ZNF732: variants seen among roughly 807,000 people sequenced by gnomAD.
ZNF732 encodes zinc finger protein 732, also known as zinc finger protein LOC654254.
A neutral mutation model predicts 11.5 loss-of-function variants in ZNF732; 12 were observed. The observed-to-expected ratio is 1.05, with a 90% CI of 0.67 to 1.70. The LOEUF is 1.70. Ranked by LOEUF, ZNF732 falls within the 40% of genes most tolerant of loss-of-function variation. The probability of loss-of-function intolerance (pLI) is 0.00; values close to 1 mark genes in which losing one functional copy is unlikely to be tolerated. For missense variants in ZNF732, 702 were observed against 676.9 expected (o/e 1.04, Z -0.41); for synonymous variants, 231 against 236.5 (o/e 0.98, Z 0.21).
At chr4:300,279 G>C (rs1475214955) in intron 1 of ZNF732, among the ~76,000 whole-genome samples, 3 of 150,360 alleles carry the variant, frequency 2.0e-5, no homozygotes, top group Non-Finnish European at 4.4e-5. Context: ...TGGCTAACAC[G>C]GTGAAACCCC....
chr4:274,020 T>TCC (rs1233622948), intron 3 of ZNF732, among the ~76,000 whole-genome samples: 1 of 151,776 alleles, frequency 6.6e-6, no homozygotes, highest in African/African-American at 2.4e-5. Flanking sequence ...GAAAGTATCT[T>TCC]CCAGTGAAAA....
Position 272,581 on chromosome 4 carries a change from T to C in ZNF732, c.276A>G (p.Glu92=), listed in dbSNP as rs782785511. The C allele has an allele frequency of 6.3e-7, 1 of 1,581,176 alleles. No homozygotes were observed. The highest frequency in any genetic ancestry group is 1.8e-5 in the Admixed American group (1 of 54,242). The change falls in exon 4 of 4, where the codon GAA becomes GAG. Residue 92 remains glutamate, a synonymous_variant. Transcript: ENST00000419098. ...TTAATATAAGTTTGTGGAACGAATC[T>C]TCTATCCCCTGCACTGGCAAAAAGT... ...TQDFLPVQGI[E]DSFHKLILRR... is the part of the protein sequence containing the mutation.
intron 3 of ZNF732, among the ~76,000 whole-genome samples, chr4:283,537 G>A (rs1454605709): frequency 6.6e-6 from 1 of 150,708 alleles, no homozygotes; most frequent in Non-Finnish European, 1.5e-5. Context: ...TCATGATATA[G>A]TGATAAGAGG....
Position 272,371 on chromosome 4 carries a change from T to A in ZNF732, c.486A>T (p.Arg162Ser), listed in dbSNP as rs191942956. The change falls in exon 4 of 4, where the codon AGA becomes AGT. Residue 162 changes from arginine (R) to serine (S), a missense_variant. This residue lies in a region of ZNF732 where 596 missense variants were observed against 557.9 expected (regional missense o/e 1.07). Coordinates refer to ENST00000419098, the MANE Select transcript of ZNF732 (RefSeq NM_001137608.3). ...TFSNSNQRRI[R>S]HTGEKHFKEC... ...CTTTAAAGTGTTTCTCTCCAGTATG[T>A]CTTATCCTACGTTGGTTTGAATTTG... 15 of 1,604,450 alleles carry A rather than the reference T, an allele frequency of 9.3e-6. No individual in the cohort carries two copies. The East Asian group carries it at 3.1e-4, about 34-fold the overall frequency.
intron 1 of ZNF732, among the ~76,000 whole-genome samples, chr4:300,678 CA>C (rs1720098746): frequency 1.3e-5 from 2 of 152,082 alleles, no homozygotes; most frequent in South Asian, 4.1e-4. Flanking sequence ...TTTGGAACTA[CA>C]TATTTAAGAC....
intron 3 of ZNF732, among the ~76,000 whole-genome samples, chr4:288,811 T>C (rs1477642143): frequency 6.6e-6 from 1 of 152,158 alleles, no homozygotes; most frequent in Non-Finnish European, 1.5e-5. Flanking sequence ...CCCAGCACTT[T>C]GGGAGGCGGA....
At chr4:286,052 T>C (rs1719722593) in intron 3 of ZNF732, among the ~76,000 whole-genome samples, 1 of 152,210 alleles carries the variant, frequency 6.6e-6, no homozygotes, top group African/African-American at 2.4e-5. Context: ...TGGGGAACTG[T>C]GCGAAGATGA....
chr4:277,343 G>A (rs1339665630), intron 3 of ZNF732, among the ~76,000 whole-genome samples: 3 of 151,384 alleles, frequency 2.0e-5, no homozygotes, highest in African/African-American at 7.3e-5. Flanking sequence ...TTAACAAAGT[G>A]AAGACGTAAT....
intron 3 of ZNF732, among the ~76,000 whole-genome samples, chr4:282,726 C>T (rs1042905608): frequency 6.6e-6 from 1 of 151,794 alleles, no homozygotes; most frequent in Non-Finnish European, 1.5e-5. Context: ...TAGATTGTTA[C>T]CTTAAGCTAG....
At position 271,197 on chromosome 4, in the gene ZNF732, C is replaced by T. The variant is rs1254139644; in HGVS notation, c.1660G>A (p.Gly554Arg). Residue 554 changes from glycine (G) to arginine (R), a missense_variant, in exon 4 of 4, where the codon GGA (glycine) becomes AGA (arginine). By Grantham distance (125) the Gly-to-Arg change is moderately radical. This residue lies in a region of ZNF732 where 94 missense variants were observed against 87.5 expected (regional missense o/e 1.07). Transcript: ENST00000419098. ...CCTTTACATTTGGGGGTTTTATCTCCAGTATGAATTGTCTTATATTTATTC... is the reference window on the plus strand; with the variant it reads ...CCTTTACATTTGGGGGTTTTATCTCTAGTATGAATTGTCTTATATTTATTC... ...VLNKYKTIHTGDKTPKCKGCG... is the reference protein window; with the variant it reads ...VLNKYKTIHTRDKTPKCKGCG... The T allele has an allele frequency of 6.4e-7, 1 of 1,555,038 alleles. No individual in the cohort carries two copies. The highest frequency in any genetic ancestry group is 1.4e-5 in the African/African-American group (1 of 73,208).
chr4:304,068 G>A (rs1720175271), intron 1 of ZNF732, among the ~76,000 whole-genome samples: 1 of 152,170 alleles, frequency 6.6e-6, no homozygotes, highest in Admixed American at 6.5e-5. Context: ...TCCAGTGTCT[G>A]GGGTTGAAAT....
chr4:278,414 T>G (rs1553839091), intron 3 of ZNF732, among the ~76,000 whole-genome samples: 2 of 152,232 alleles, frequency 1.3e-5, no homozygotes, highest in Admixed American at 1.3e-4. Context: ...TTTTTAAATG[T>G]GACATACATA....
intron 1 of ZNF732, among the ~76,000 whole-genome samples, chr4:296,800 A>G (rs1384942337): frequency 6.6e-6 from 1 of 152,196 alleles, no homozygotes; most frequent in Non-Finnish European, 1.5e-5. Context: ...ACTCGGCTAG[A>G]GAAAGCAGGC....
At chr4:274,553 T>C (rs1231818302) in intron 3 of ZNF732, among the ~76,000 whole-genome samples, 1 of 151,612 alleles carries the variant, frequency 6.6e-6, no homozygotes, top group Non-Finnish European at 1.5e-5. Flanking sequence ...AAAGTTTCCA[T>C]TCAAAATACA....
chr4:279,727 AC>A (rs1461099722), intron 3 of ZNF732, among the ~76,000 whole-genome samples: 1 of 152,170 alleles, frequency 6.6e-6, no homozygotes, highest in African/African-American at 2.4e-5. Context: ...ATTTACATCT[AC>A]CTAAAAAGGT....
chr4:285,862 C>T lies in ZNF732; in HGVS notation c.226+9576G>A, dbSNP rs932498053. On this transcript the variant is annotated intron_variant, in intron 3 of 3. Coordinates refer to ENST00000419098, the MANE Select transcript of ZNF732 (RefSeq NM_001137608.3). ...TTCAAGCGATCCTTCTGCCTCAGCCCCCAAGTAGCTGGAACTACAGGTGCA... is the reference window on the plus strand; with the variant it reads ...TTCAAGCGATCCTTCTGCCTCAGCCTCCAAGTAGCTGGAACTACAGGTGCA... Among the ~76,000 whole-genome samples, 3 of 152,164 alleles carry T rather than the reference C, an allele frequency of 2.0e-5. No individual in the cohort carries two copies. In the East Asian group the frequency reaches 5.8e-4, roughly 29 times the overall value.
At chr4:300,872 G>A (rs933044293) in intron 1 of ZNF732, among the ~76,000 whole-genome samples, 12 of 152,128 alleles carry the variant, frequency 7.9e-5, no homozygotes, top group African/African-American at 2.2e-4. Flanking sequence ...TGACAAATGG[G>A]ATCTAATTAA....
intron 3 of ZNF732, among the ~76,000 whole-genome samples, chr4:286,048 A>C (rs1295416477): frequency 3.3e-5 from 5 of 152,216 alleles, no homozygotes; most frequent in African/African-American, 1.2e-4. Flanking sequence ...TTTTTGGGGA[A>C]CTGTGCGAAG....
chr4:298,498 G>A (rs1720009988), intron 1 of ZNF732, among the ~76,000 whole-genome samples: 1 of 152,070 alleles, frequency 6.6e-6, no homozygotes, highest in South Asian at 2.1e-4. Flanking sequence ...AACAAACCCT[G>A]AATAAGTCAT....
Sources: gnomAD v4.1 joint callset for allele counts (sites outside exome capture counted in the v4.1 genomes callset) on GRCh38, gnomAD v4.1.1 for gene constraint, gnomAD v4.1.1 regional missense constraint, MANE v1.5 for transcripts, NCBI Gene and HGNC (gene_info 2026-07-23, HGNC 2026-07-21) for gene names.